Variants in MAPK8IP1 observed in about 807,000 individuals in gnomAD.
MAPK8IP1 encodes C-Jun-amino-terminal kinase-interacting protein 1.
MAPK8IP1 carries 17 observed loss-of-function variants against 72.6 expected under a neutral mutation model. That is an observed-to-expected ratio of 0.23 (90% CI 0.16 to 0.35). The LOEUF (loss-of-function observed/expected upper bound fraction) is 0.35, where lower values mean the gene tolerates loss of function less well. MAPK8IP1 is among the 10% of genes least tolerant of loss of function. The pLI is 1.00. For synonymous variants in MAPK8IP1, 401 were observed against 443.4 expected (o/e 0.90, Z 1.20); for missense variants, 789 against 1,009.7 (o/e 0.78, Z 2.96).
At position 45,902,692 on chromosome 11, in the gene MAPK8IP1, G is replaced by T. The variant is rs759121170; in HGVS notation, c.925G>T (p.Val309Phe). 53 of 1,610,740 alleles carry T rather than the reference G, an allele frequency of 3.3e-5. No homozygotes were observed. In the East Asian group the frequency reaches 1.2e-3, roughly 35 times the overall value. ...GCCGCCCACTGAGAGCCGGATGTCA[G>T]TCAGCTCCGATCCAGACCCTGCCGC... ...FLPPTESRMSVSSDPDPAAYP... is the reference protein window; with the variant it reads ...FLPPTESRMSFSSDPDPAAYP... The change falls in exon 5 of 12, where the codon GTC (valine) becomes TTC (phenylalanine). Residue 309 changes from valine (V) to phenylalanine (F), a missense_variant. Physicochemically the swap from Val to Phe is conservative, Grantham distance 50. Transcript: ENST00000241014. This position sits in a 1 kb window ranked among gnomAD's most constrained non-coding sequence, Gnocchi z 9.3.
rs757109310 is a variant in MAPK8IP1 at position 45,904,420 on chromosome 11, T to C, written c.1667-35T>C. ...TTGGCTGCTCAGCTCCCTCCTGCTC[T>C]TTCTGCCCCTCCTCAATTCACGCTT... On this transcript the variant is annotated intron_variant, in intron 7 of 11. Transcript: ENST00000241014. This position sits in a 1 kb window ranked among gnomAD's most constrained non-coding sequence, Gnocchi z 6.4. 1 of 1,565,908 alleles carries C rather than the reference T, an allele frequency of 6.4e-7. No homozygotes were observed. Among genetic ancestry groups the C allele is most frequent in the Non-Finnish European group, 8.8e-7 (1 of 1,137,724 alleles).
At position 45,900,067 on chromosome 11, in the gene MAPK8IP1, C is replaced by A. The variant is rs564846038; in HGVS notation, c.208-71C>A. ...GCGCCACAGAATGGACTCGCCCGGG[C>A]GGGGGGCGGTGCAAGCGGCCTCGGC... is the stretch of plus-strand genomic sequence containing the variant. On this transcript the variant is annotated intron_variant, in intron 2 of 11. Transcript: ENST00000241014. This position sits in a 1 kb window ranked among gnomAD's most constrained non-coding sequence, Gnocchi z 6.5. 6.2e-4 allele frequency: 601 copies of A among 974,994 alleles called. 6 individuals are homozygous for A. In the African/African-American group the frequency reaches 9.5e-3, roughly 15 times the overall value. The allele number at this position is 974,994 out of a possible 1,614,324, so 60.4% of individuals were successfully genotyped here. A position where few individuals can be genotyped will look rare whatever the true frequency, so the allele number is the denominator to read the frequency against.
intron 1 of MAPK8IP1, among the ~76,000 whole-genome samples, chr11:45,892,559 C>T (rs1184387278): frequency 2.0e-5 from 3 of 152,144 alleles, no homozygotes; most frequent in African/African-American, 7.2e-5. Flanking sequence ...CTCCGAGAGC[C>T]CATAGCAGGG....
rs2086684847 is a variant in MAPK8IP1, at chr11:45,904,327, G to A, written c.1667-128G>A. On this transcript the variant is annotated intron_variant, in intron 7 of 11. Transcript: ENST00000241014. This position sits in a 1 kb window ranked among gnomAD's most constrained non-coding sequence, Gnocchi z 6.4. Reference sequence around the variant, plus strand: ...AGCAAAGTGAGGCCCGGCCAAGTTGGGCAGCCAGGGATTGTGGCAGCCTCT... The same window carrying A: ...AGCAAAGTGAGGCCCGGCCAAGTTGAGCAGCCAGGGATTGTGGCAGCCTCT... 3.4e-6 allele frequency: 4 copies of A among 1,183,472 alleles called. No homozygotes were observed. In the South Asian group the frequency reaches 5.2e-5, roughly 15 times the overall value. The allele number at this position is 1,183,472 out of a possible 1,614,324, so 73.3% of individuals were successfully genotyped here.
chr11:45,903,428 G>A lies in MAPK8IP1; in HGVS notation c.1481G>A (p.Arg494Gln), dbSNP rs932586849. Reference protein sequence around the residue: ...INGEEQEQTHRAIFRFVPRHE... With the variant: ...INGEEQEQTHQAIFRFVPRHE... ...GGGGAGGAGCAGGAGCAGACCCACC[G>A]GGCCATATTCAGGTGAGAGCCATGG... Residue 494 changes from arginine to glutamine, a missense_variant, in exon 6 of 12, where the codon CGG (arginine) becomes CAG (glutamine). Physicochemically the swap from Arg to Gln is conservative, Grantham distance 43. Around this residue, in one of 4 missense-constraint regions of MAPK8IP1, gnomAD observed 188 missense variants for 293.3 expected, o/e 0.64. Coordinates refer to ENST00000241014, the MANE Select transcript of MAPK8IP1 (RefSeq NM_005456.4). The surrounding 1 kb of genome is among the most constrained non-coding windows in gnomAD (Gnocchi z 6.4). The A allele has an allele frequency of 1.6e-5, 25 of 1,612,454 alleles. No individual in the cohort carries two copies. The highest frequency in any genetic ancestry group is 5.5e-5 in the South Asian group (5 of 90,982).
At chr11:45,898,834 G>A (rs2086627718) in intron 2 of MAPK8IP1, among the ~76,000 whole-genome samples, 1 of 152,228 alleles carries the variant, frequency 6.6e-6, no homozygotes. Context: ...GAGGTCCCCA[G>A]CACCTGGGTA....
chr11:45,892,097 G>A (rs2086571363), intron 1 of MAPK8IP1, among the ~76,000 whole-genome samples: 1 of 152,180 alleles, frequency 6.6e-6, no homozygotes, highest in Non-Finnish European at 1.5e-5. Flanking sequence ...CGTTGGAGAT[G>A]ACCTCCGTAT....
At chr11:45,905,503 G>C (rs1056089848) in intron 11 of MAPK8IP1, 146 bp from the exon 12 acceptor site, 62 of 818,620 alleles carry the variant, frequency 7.6e-5, no homozygotes, top group Non-Finnish European at 1.2e-4. Flanking sequence ...TGGCAATTCT[G>C]TAGAGAACAG....
In MAPK8IP1 at chr11:45,885,722, C is replaced by A. The variant is rs2086520868; in HGVS notation, c.-99C>A. 1.7e-6 allele frequency: 1 copy of A among 598,582 alleles called. No homozygotes were observed. The highest frequency in any genetic ancestry group is 2.5e-6 in the Non-Finnish European group (1 of 395,214). 37.1% of individuals were successfully genotyped at this position (598,582 alleles called of 1,614,324 possible). A position where few individuals can be genotyped will look rare whatever the true frequency, so the allele number is the denominator to read the frequency against. ...AGGTGCGCCCGCCTAGCCCGAACTC[C>A]GCGGCGGCGGCTGCCCTCTCGCCGC... On this transcript the variant is annotated 5_prime_UTR_variant, in exon 1 of 12. Transcript: ENST00000241014.
intron 2 of MAPK8IP1, 139 bp downstream of exon 2, chr11:45,898,329 T>A: frequency 1.5e-6 from 1 of 648,972 alleles, no homozygotes; most frequent in Non-Finnish European, 2.8e-6. Context: ...GCAAGAAACA[T>A]AGGTATACTG....
chr11:45,899,749 C>T (rs754787178), intron 2 of MAPK8IP1, among the ~76,000 whole-genome samples: 31 of 152,220 alleles, frequency 2.0e-4, no homozygotes, highest in Admixed American at 4.6e-4. Context: ...ATACTATTTC[C>T]CCAACCCCCA....
rs1468169604 is a variant in MAPK8IP1 at position 45,900,434 on chromosome 11, G to T, written c.504G>T (p.Pro168=). 2 of 1,532,222 alleles carry T rather than the reference G, an allele frequency of 1.3e-6. No homozygotes were observed. The highest frequency in any genetic ancestry group is 1.7e-6 in the Non-Finnish European group (2 of 1,145,436). 94.9% of individuals were successfully genotyped at this position (1,532,222 alleles called of 1,614,324 possible). A position where few individuals can be genotyped will look rare whatever the true frequency, so the allele number is the denominator to read the frequency against. ...GGCCCACCACGCTCAACCTCTTTCCGCAGGTGCCGCGGTCTCAGGTGAGGC... is the reference window on the plus strand; with the variant it reads ...GGCCCACCACGCTCAACCTCTTTCCTCAGGTGCCGCGGTCTCAGGTGAGGC... The part of the protein sequence containing the change: ...PKRPTTLNLF[P]QVPRSQDTLN... Residue 168 remains proline (P), a synonymous_variant, in exon 3 of 12, where the codon CCG becomes CCT. Coordinates refer to ENST00000241014, the MANE Select transcript of MAPK8IP1 (RefSeq NM_005456.4). The surrounding 1 kb of genome is among the most constrained non-coding windows in gnomAD (Gnocchi z 6.5).
chr11:45,892,593 C>T (rs2086575931), intron 1 of MAPK8IP1, among the ~76,000 whole-genome samples: 1 of 152,030 alleles, frequency 6.6e-6, no homozygotes, highest in Non-Finnish European at 1.5e-5. Context: ...TCCCAGAGGT[C>T]AGAGAAGGCT....
Position 45,902,174 on chromosome 11 carries a change from C to G in MAPK8IP1, c.604+113C>G. On this transcript the variant is annotated intron_variant, in intron 4 of 11. Transcript: ENST00000241014. The surrounding 1 kb of genome is among the most constrained non-coding windows in gnomAD (Gnocchi z 9.3). ...GGCTGAGTAGAGGTGAACTGCCCAC[C>G]CACATCCCTGCACGAGCCCATCCAG... 2.8e-6 allele frequency: 3 copies of G among 1,081,442 alleles called. No homozygotes were observed. The highest frequency in any genetic ancestry group is 4.3e-6 in the Non-Finnish European group (3 of 695,238). The allele number at this position is 1,081,442 out of a possible 1,614,324, so 67.0% of individuals were successfully genotyped here.
In MAPK8IP1 at chr11:45,902,789, C is replaced by G. The variant is rs1224027892; in HGVS notation, c.1022C>G (p.Ser341Cys). The G allele has an allele frequency of 6.3e-7, 1 of 1,592,686 alleles. No homozygotes were observed. The highest frequency in any genetic ancestry group is 2.3e-5 in the East Asian group (1 of 44,242). Reference protein sequence around the residue: ...EEEEGFDCLSSPERAEPPGGG... With the variant: ...EEEEGFDCLSCPERAEPPGGG... ...GAAGAGGGCTTCGACTGCCTGTCGT[C>G]CCCAGAGCGGGCTGAGCCCCCAGGC... is the stretch of plus-strand genomic sequence containing the variant. Residue 341 changes from serine to cysteine, a missense_variant, in exon 5 of 12, where the codon TCC (serine) becomes TGC (cysteine). Physicochemically the swap from Ser to Cys is moderately radical, Grantham distance 112. This residue lies in a region of MAPK8IP1 where 377 missense variants were observed against 411.7 expected (regional missense o/e 0.92). Coordinates refer to ENST00000241014, the MANE Select transcript of MAPK8IP1 (RefSeq NM_005456.4). The surrounding 1 kb of genome is among the most constrained non-coding windows in gnomAD (Gnocchi z 9.3).
chr11:45,903,047 T>C lies in MAPK8IP1; in HGVS notation c.1280T>C (p.Ile427Thr), dbSNP rs775455814. The change falls in exon 5 of 12, where the codon ATC (isoleucine) becomes ACC (threonine). Residue 427 changes from isoleucine (I) to threonine (T), a missense_variant. Ile to Thr is a moderately conservative substitution (Grantham distance 89). Transcript: ENST00000241014. This position sits in a 1 kb window ranked among gnomAD's most constrained non-coding sequence, Gnocchi z 6.4. ...ASVSSPYESA[I>T]GEEYEEAPRP... ...GTCTCCTCGCCCTATGAGTCGGCCA[T>C]CGGAGAGGAATATGAGGAGGCCCCG... 1.2e-6 allele frequency: 2 copies of C among 1,611,574 alleles called. No homozygotes were observed. The highest frequency in any genetic ancestry group is 1.7e-5 in the Admixed American group (1 of 60,018).
At chr11:45,897,362 C>T (rs957680162) in intron 1 of MAPK8IP1, among the ~76,000 whole-genome samples, 2 of 152,106 alleles carry the variant, frequency 1.3e-5, no homozygotes, top group African/African-American at 4.8e-5. Context: ...ATTCTGGTGC[C>T]CTGGTGCTCT....
chr11:45,885,652 G>T lies in MAPK8IP1; in HGVS notation c.-169G>T, dbSNP rs1034083726. On this transcript the variant is annotated 5_prime_UTR_variant, in exon 1 of 12. Transcript: ENST00000241014. ...GGGCGCGCGCGGGGCGCTCTCGCCA[G>T]TCCCGCGGGCCGTGCGCGGTGCTGT... 1 of 248,228 alleles carries T rather than the reference G, an allele frequency of 4.0e-6. No individual in the cohort carries two copies. The highest frequency in any genetic ancestry group is 2.3e-5 in the African/African-American group (1 of 43,494). The allele number at this position is 248,228 out of a possible 1,614,324, so 15.4% of individuals were successfully genotyped here.
intron 1 of MAPK8IP1, chr11:45,896,497 G>GC (rs1554960563): frequency 9.6e-7 from 1 of 1,037,534 alleles, no homozygotes; most frequent in African/African-American, 1.7e-5. Flanking sequence ...GGGAGGGGGG[G>GC]CCACTCAGCC....
Sources: allele counts gnomAD v4.1 joint callset (sites outside exome capture counted in the v4.1 genomes callset), GRCh38; gene constraint gnomAD v4.1.1; regional missense constraint gnomAD v4.1.1; non-coding constraint Gnocchi (gnomAD v3.1); transcripts MANE v1.5; gene names NCBI Gene and HGNC (gene_info 2026-07-23, HGNC 2026-07-21).